GPATCH2: variants seen among roughly 807,000 people sequenced by gnomAD.
GPATCH2 encodes the protein G patch domain-containing protein 2.
GPATCH2 carries 51 observed loss-of-function variants against 58.0 expected under a neutral mutation model. The observed-to-expected ratio is 0.88, with a 90% CI of 0.70 to 1.11. GPATCH2 has a LOEUF of 1.11. Among genes scored for constraint, GPATCH2 ranks in the 50% most tolerant of loss-of-function variants. The pLI is 0.00. For missense variants in GPATCH2, 625 were observed against 652.2 expected, an observed-to-expected ratio of 0.96 and a Z score of 0.45; for synonymous variants, 222 against 218.5, an observed-to-expected ratio of 1.02 and a Z score of -0.14.
chr1:217,550,902 A>G (rs1324691509), intron 5 of GPATCH2, among the ~76,000 whole-genome samples: 1 of 150,642 alleles, frequency 6.6e-6, no homozygotes, highest in Non-Finnish European at 1.5e-5. Context: ...AAGGCATGCA[A>G]TAATTAAGAT....
chr1:217,487,884 A>G (rs1416038719), intron 8 of GPATCH2, among the ~76,000 whole-genome samples: 1 of 152,156 alleles, frequency 6.6e-6, no homozygotes, highest in Non-Finnish European at 1.5e-5. Flanking sequence ...CTGGGATTAC[A>G]GGAGCACACC....
At chr1:217,581,349 A>T (rs1349062831) in intron 5 of GPATCH2, among the ~76,000 whole-genome samples, 2 of 152,250 alleles carry the variant, frequency 1.3e-5, no homozygotes, top group African/African-American at 2.4e-5. Flanking sequence ...AAAGGCCCTT[A>T]ATAAAAGACA....
chr1:217,530,488 A>T (rs1664136048), intron 5 of GPATCH2, among the ~76,000 whole-genome samples: 1 of 152,228 alleles, frequency 6.6e-6, no homozygotes, highest in South Asian at 2.1e-4. Context: ...TAAGATGACA[A>T]TAAATGTTAC....
At chr1:217,574,822 CA>C in intron 5 of GPATCH2, among the ~76,000 whole-genome samples, 1 of 152,154 alleles carries the variant, frequency 6.6e-6, no homozygotes, top group East Asian at 1.9e-4. Flanking sequence ...TTTTTGGCTC[CA>C]AAGAGCAAGC....
At chr1:217,432,807 T>TCGGCCCAGTCCAATCTCTTACAC (rs1304039405) in intron 9 of GPATCH2, among the ~76,000 whole-genome samples, 16 of 152,278 alleles carry the variant, frequency 1.1e-4, no homozygotes, top group Non-Finnish European at 2.4e-4. Context: ...GAGAACATAT[T>TCGGCCCAGTCCAATCTCTTACAC]CGGCCCAGTC....
chr1:217,486,761 A>G (rs1661473625), intron 8 of GPATCH2, among the ~76,000 whole-genome samples: 2 of 152,172 alleles, frequency 1.3e-5, no homozygotes, highest in African/African-American at 4.8e-5. Context: ...TGGCACCGGA[A>G]AACCACAGTC....
intron 8 of GPATCH2, among the ~76,000 whole-genome samples, chr1:217,490,512 CTTCT>C (rs1661670588): frequency 6.6e-6 from 1 of 152,060 alleles, no homozygotes; most frequent in African/African-American, 2.4e-5. Flanking sequence ...TATCACAGAT[CTTCT>C]TTGTCTCTTA....
chr1:217,446,428 G>C (rs889377675), intron 9 of GPATCH2, among the ~76,000 whole-genome samples: 1 of 152,056 alleles, frequency 6.6e-6, no homozygotes. Context: ...TTATCAAAGT[G>C]TATTTATGCA....
At chr1:217,567,022 T>C (rs540436842) in intron 5 of GPATCH2, among the ~76,000 whole-genome samples, 138 of 150,992 alleles carry the variant, frequency 9.1e-4, no homozygotes, top group African/African-American at 2.3e-3. Flanking sequence ...AACTAAAACA[T>C]CACTCAGCAA....
rs759637687 is a variant in GPATCH2 at position 217,610,340 on chromosome 1, C to A, written c.1079G>T (p.Gly360Val). 7.5e-6 allele frequency: 12 copies of A among 1,598,486 alleles called. No homozygotes were observed. Among genetic ancestry groups the A allele is most frequent in the Admixed American group, 1.7e-5 (1 of 59,794 alleles). Residue 360 changes from glycine to valine, a missense_variant, in exon 5 of 10, where the codon GGA (glycine) becomes GTA (valine). By Grantham distance (109) the Gly-to-Val change is moderately radical. Coordinates refer to ENST00000366935, the MANE Select transcript of GPATCH2 (RefSeq NM_018040.5). ...GMSSKNIKKS[G>V]GTPTSMVPIP... ...GCCTACCATTGAAGTTGGAGTCCCT[C>A]CAGATTTTTTAATATTCTTTGAAGA...
intron 5 of GPATCH2, among the ~76,000 whole-genome samples, chr1:217,600,268 T>C (rs1306251507): frequency 6.6e-6 from 1 of 152,186 alleles, no homozygotes; most frequent in Non-Finnish European, 1.5e-5. Context: ...GCTTAAAACA[T>C]ACATAAGTAC....
chr1:217,509,298 G>A (rs1029390530), intron 6 of GPATCH2, among the ~76,000 whole-genome samples: 3 of 152,012 alleles, frequency 2.0e-5, no homozygotes, highest in African/African-American at 7.2e-5. Context: ...CCAAGATCGC[G>A]CCACTGCACT....
Position 217,452,163 on chromosome 1 carries a change from G to A in GPATCH2, c.1278-2826C>T, listed in dbSNP as rs150064565. ...CTGGTAGAGAGCTCGAGTTGGACAC[G>A]GTTGAGACTGAAGAGGGAGGAGACC... On this transcript the variant is annotated intron_variant, in intron 8 of 9. Coordinates refer to ENST00000366935, the MANE Select transcript of GPATCH2 (RefSeq NM_018040.5). Among the ~76,000 whole-genome samples the A allele has an allele frequency of 9.3e-3, 1,414 of 152,260 alleles. 8 individuals are homozygous for A. The highest frequency in any genetic ancestry group is 0.048 in the Middle Eastern group (14 of 294).
intron 8 of GPATCH2, among the ~76,000 whole-genome samples, chr1:217,469,706 G>T (rs1398625112): frequency 6.6e-6 from 1 of 152,026 alleles, no homozygotes; most frequent in Non-Finnish European, 1.5e-5. Flanking sequence ...TAAAGTTTTA[G>T]ATTGCAGAAT....
At chr1:217,480,058 T>C (rs1015887163) in intron 8 of GPATCH2, among the ~76,000 whole-genome samples, 1 of 152,030 alleles carries the variant, frequency 6.6e-6, no homozygotes, top group African/African-American at 2.4e-5. Flanking sequence ...AATACAATAA[T>C]AGCTGGAGAC....
chr1:217,556,298 T>C (rs939284231), intron 5 of GPATCH2, among the ~76,000 whole-genome samples: 1 of 152,158 alleles, frequency 6.6e-6, no homozygotes, highest in African/African-American at 2.4e-5. Context: ...CCATTCACCA[T>C]GCCACATTTA....
chr1:217,442,368 C>T (rs559956611), intron 9 of GPATCH2, among the ~76,000 whole-genome samples: 2 of 152,180 alleles, frequency 1.3e-5, no homozygotes, highest in African/African-American at 4.8e-5. Flanking sequence ...GAAGGGATAG[C>T]ATTAGGAGAA....
intron 2 of GPATCH2, among the ~76,000 whole-genome samples, chr1:217,616,048 AACTTT>A (rs1341948439): frequency 6.6e-6 from 1 of 152,148 alleles, no homozygotes; most frequent in Admixed American, 6.6e-5. Flanking sequence ...ATAAACTATG[AACTTT>A]ACTTACAAAT....
At chr1:217,577,810 C>A (rs1042017643) in intron 5 of GPATCH2, among the ~76,000 whole-genome samples, 1 of 151,968 alleles carries the variant, frequency 6.6e-6, no homozygotes, top group African/African-American at 2.4e-5. Flanking sequence ...TGCAATGGTG[C>A]GATCTCAGCT....
Sources: gnomAD v4.1 joint callset for allele counts (sites outside exome capture counted in the v4.1 genomes callset) on GRCh38, gnomAD v4.1.1 for gene constraint, MANE v1.5 for transcripts, NCBI Gene and HGNC (gene_info 2026-07-23, HGNC 2026-07-21) for gene names.